Variants in RBFOX1 observed in about 807,000 individuals in gnomAD.
RBFOX1 encodes the protein RNA binding fox-1 homolog 1.
A neutral mutation model predicts 57.7 loss-of-function variants in RBFOX1; 8 were observed. That is an observed-to-expected ratio of 0.14 (90% CI 0.08 to 0.25). The LOEUF (loss-of-function observed/expected upper bound fraction) is 0.25. RBFOX1 is among the 10% of genes least tolerant of loss of function. RBFOX1 has a pLI of 1.00. For synonymous variants in RBFOX1, 326 were observed against 222.4 expected, an observed-to-expected ratio of 1.47 and a Z score of -4.15; for missense variants, 611 against 548.5, an observed-to-expected ratio of 1.11 and a Z score of -1.14.
intron 1 of RBFOX1, among the ~76,000 whole-genome samples, chr16:5,401,093 C>T (rs754294860): frequency 2.6e-5 from 4 of 151,824 alleles, no homozygotes; most frequent in Non-Finnish European, 5.9e-5. Flanking sequence ...CAATATATCT[C>T]AGGCTTTTTC....
chr16:5,380,658 A>G (rs995158319), intron 1 of RBFOX1, among the ~76,000 whole-genome samples: 2 of 152,146 alleles, frequency 1.3e-5, no homozygotes, highest in African/African-American at 4.8e-5. Context: ...CCTTAAACAG[A>G]TATTTGAGGT....
At chr16:7,652,857 A>T (rs2065377284) in intron 11 of RBFOX1, among the ~76,000 whole-genome samples, 1 of 152,168 alleles carries the variant, frequency 6.6e-6, no homozygotes, top group Admixed American at 6.5e-5. Flanking sequence ...TGGTTTGTGC[A>T]CTCATACCAC....
chr16:5,564,712 A>G (rs1056390200), intron 2 of RBFOX1, among the ~76,000 whole-genome samples: 6 of 152,100 alleles, frequency 3.9e-5, no homozygotes, highest in African/African-American at 1.4e-4. Context: ...GCATTTATTT[A>G]TTCATTCTTA....
chr16:6,802,918 T>C (rs2085831575), intron 3 of RBFOX1, among the ~76,000 whole-genome samples: 1 of 152,188 alleles, frequency 6.6e-6, no homozygotes. Context: ...TAGTTTCCCT[T>C]AGGGTTAAAT....
At chr16:7,121,816 C>T (rs1234060008) in intron 4 of RBFOX1, among the ~76,000 whole-genome samples, 1 of 151,676 alleles carries the variant, frequency 6.6e-6, no homozygotes, top group Non-Finnish European at 1.5e-5. Flanking sequence ...TAGTGCAAAC[C>T]AGTAAAGGAG....
intron 1 of RBFOX1, among the ~76,000 whole-genome samples, chr16:5,309,436 C>G (rs2064023830): frequency 6.6e-6 from 1 of 152,118 alleles, no homozygotes; most frequent in Admixed American, 6.6e-5. Context: ...TTGATTGATC[C>G]TGAAGTTTAC....
chr16:6,320,640 A>C (rs2081658232), intron 2 of RBFOX1, among the ~76,000 whole-genome samples: 1 of 152,168 alleles, frequency 6.6e-6, no homozygotes, highest in Non-Finnish European at 1.5e-5. Context: ...CTAAGAGAAT[A>C]GATAAGGAAT....
At chr16:6,566,832 C>T (rs764501988) in intron 2 of RBFOX1, among the ~76,000 whole-genome samples, 16 of 152,194 alleles carry the variant, frequency 1.1e-4, no homozygotes, top group South Asian at 4.2e-4. Context: ...CAGTAGCAGT[C>T]GAGACACTGT....
chr16:7,347,984 C>T (rs1028654545), intron 4 of RBFOX1, among the ~76,000 whole-genome samples: 6 of 152,164 alleles, frequency 3.9e-5, no homozygotes, highest in African/African-American at 7.2e-5. Context: ...AAGCAAGGCC[C>T]ACCTTGGTGC....
intron 3 of RBFOX1, among the ~76,000 whole-genome samples, chr16:6,928,004 G>C (rs932994438): frequency 1.3e-5 from 2 of 152,166 alleles, no homozygotes; most frequent in Non-Finnish European, 2.9e-5. Context: ...GCTGCTGCTG[G>C]CTTCCACCCC....
chr16:6,442,881 A>G (rs540598422), intron 2 of RBFOX1, among the ~76,000 whole-genome samples: 161 of 152,330 alleles, frequency 1.1e-3, no homozygotes, highest in Non-Finnish European at 1.9e-3. Context: ...AGTTTGGTGC[A>G]AAAATGATTG....
intron 2 of RBFOX1, among the ~76,000 whole-genome samples, chr16:6,617,003 T>A (rs1036578066): frequency 1.3e-5 from 2 of 152,168 alleles, no homozygotes; most frequent in African/African-American, 4.8e-5. Context: ...TGAAGATACA[T>A]ACTATCTGCT....
intron 1 of RBFOX1, among the ~76,000 whole-genome samples, chr16:5,451,885 T>A (rs1019526020): frequency 6.6e-6 from 1 of 152,158 alleles, no homozygotes; most frequent in Admixed American, 6.5e-5. Flanking sequence ...CACGATGTGT[T>A]CTGATACCTA....
intron 1 of RBFOX1, among the ~76,000 whole-genome samples, chr16:6,155,938 T>G (rs1181702542): frequency 6.6e-6 from 1 of 152,220 alleles, no homozygotes; most frequent in African/African-American, 2.4e-5. Context: ...CCAGGCACTC[T>G]GATAAGTGCT....
intron 4 of RBFOX1, among the ~76,000 whole-genome samples, chr16:7,367,669 A>G (rs1030839785): frequency 1.4e-4 from 22 of 152,190 alleles, no homozygotes; most frequent in African/African-American, 4.8e-4. Flanking sequence ...GTGGAGAAAC[A>G]GAGAACAAAT....
chr16:6,510,196 A>G (rs1236509035), intron 2 of RBFOX1, among the ~76,000 whole-genome samples: 3 of 152,110 alleles, frequency 2.0e-5, no homozygotes, highest in African/African-American at 7.2e-5. Flanking sequence ...ATAAAGATTT[A>G]TTTTTATTAG....
rs970986622 is a variant in RBFOX1 at position 7,436,690 on chromosome 16, C to G, written c.28-81457C>G. 2.6e-5 allele frequency among the ~76,000 whole-genome samples: 4 copies of G among 152,226 alleles called. No homozygotes were observed. In the South Asian group the frequency reaches 8.3e-4, roughly 31 times the overall value. The stretch of plus-strand genomic sequence containing the variant: ...GAGGATGAGATGTCCTGAGCTCCAG[C>G]TCCTGGTGTCTGACCTCCCATCTCA... On this transcript the variant is annotated intron_variant, in intron 4 of 15. Coordinates refer to ENST00000550418, the MANE Select transcript of RBFOX1 (RefSeq NM_018723.4).
intron 4 of RBFOX1, among the ~76,000 whole-genome samples, chr16:5,918,805 G>A (rs569029637): frequency 1.2e-4 from 19 of 152,334 alleles, no homozygotes; most frequent in African/African-American, 3.4e-4. Context: ...CAGTGATAGT[G>A]AGACCTGCAA....
intron 4 of RBFOX1, among the ~76,000 whole-genome samples, chr16:5,977,675 C>G (rs887066518): frequency 6.6e-5 from 10 of 152,050 alleles, no homozygotes; most frequent in African/African-American, 2.4e-4. Flanking sequence ...GATTGGAAAA[C>G]AGGCTCAGTT....
Sources: gnomAD v4.1 joint callset for allele counts (sites outside exome capture counted in the v4.1 genomes callset) on GRCh38, gnomAD v4.1.1 for gene constraint, MANE v1.5 for transcripts, NCBI Gene and HGNC (gene_info 2026-07-23, HGNC 2026-07-21) for gene names.